Variants in KIAA1328 observed in about 807,000 individuals in gnomAD.
The protein encoded by KIAA1328 is protein hinderin.
In KIAA1328, 52 loss-of-function variants were observed where a neutral mutation model predicts 68.1. The observed-to-expected ratio is 0.76, with a 90% CI of 0.61 to 0.96. The LOEUF is 0.96. Ranked by LOEUF, KIAA1328 falls within the 40% of genes least tolerant of loss-of-function variation. KIAA1328 has a pLI of 0.00. For missense variants in KIAA1328, 641 were observed against 677.6 expected (o/e 0.95, Z 0.60); for synonymous variants, 232 against 239.4 (o/e 0.97, Z 0.28).
chr18:36,984,034 T>C (rs1462284924), intron 6 of KIAA1328, among the ~76,000 whole-genome samples: 2 of 152,184 alleles, frequency 1.3e-5, no homozygotes, highest in African/African-American at 2.4e-5. Flanking sequence ...TCCAAATTTT[T>C]TTAGATGAAG....
intron 3 of KIAA1328, among the ~76,000 whole-genome samples, chr18:36,839,501 A>G (rs901278932): frequency 2.6e-5 from 4 of 152,268 alleles, no homozygotes; most frequent in African/African-American, 9.6e-5. Context: ...TAACTGTTTC[A>G]ATATTCTTGA....
Position 36,829,216 on chromosome 18 carries a change from C to G in KIAA1328, c.58+20C>G, listed in dbSNP as rs889296582. On this transcript the variant is annotated intron_variant, in intron 1 of 9. Transcript: ENST00000280020. ...GGGACTGTATCCTTTGCCCGCCTGA[C>G]AGGGGGCGCCGGCGCCCTCCACGGG... 3 of 1,504,858 alleles carry G rather than the reference C, an allele frequency of 2.0e-6. No individual in the cohort carries two copies. 93.2% of individuals were successfully genotyped at this position (1,504,858 alleles called of 1,614,324 possible). A position where few individuals can be genotyped will look rare whatever the true frequency, so the allele number is the denominator to read the frequency against.
At chr18:36,925,372 A>G (rs905163952) in intron 5 of KIAA1328, among the ~76,000 whole-genome samples, 2 of 152,178 alleles carry the variant, frequency 1.3e-5, no homozygotes, top group African/African-American at 4.8e-5. Flanking sequence ...AAGAAATAGA[A>G]TATTGGTGTT....
intron 4 of KIAA1328, among the ~76,000 whole-genome samples, chr18:36,850,503 A>T (rs72885256): frequency 0.14 from 20,623 of 152,036 alleles, 1,742 homozygotes; most frequent in Non-Finnish European, 0.18. Context: ...CTATATATAT[A>T]TTTTTTCCTA....
intron 7 of KIAA1328, among the ~76,000 whole-genome samples, chr18:37,121,832 G>A (rs1301033248): frequency 6.7e-6 from 1 of 149,450 alleles, no homozygotes; most frequent in African/African-American, 2.6e-5. Context: ...TGTTATTTAG[G>A]TGAATGCATG....
chr18:36,846,653 A>G (rs2047039553), intron 4 of KIAA1328, among the ~76,000 whole-genome samples: 1 of 151,578 alleles, frequency 6.6e-6, no homozygotes, highest in African/African-American at 2.4e-5. Context: ...GCAACCATTA[A>G]TATAGTTTCC....
At chr18:36,914,099 A>G (rs1220925877) in intron 5 of KIAA1328, among the ~76,000 whole-genome samples, 1 of 152,204 alleles carries the variant, frequency 6.6e-6, no homozygotes, top group Non-Finnish European at 1.5e-5. Context: ...AGGAAGGCTC[A>G]TAATAACAAA....
At chr18:37,215,365 T>A (rs1003940186) in intron 9 of KIAA1328, among the ~76,000 whole-genome samples, 1 of 152,194 alleles carries the variant, frequency 6.6e-6, no homozygotes, top group South Asian at 2.1e-4. Context: ...ATGAAGGCTG[T>A]TGAATTTTGT....
intron 7 of KIAA1328, among the ~76,000 whole-genome samples, chr18:37,095,612 C>G (rs1006815227): frequency 9.9e-5 from 15 of 152,090 alleles, no homozygotes; most frequent in Admixed American, 8.5e-4. Flanking sequence ...AAGAACTAAC[C>G]AAACTCAAAA....
intron 5 of KIAA1328, among the ~76,000 whole-genome samples, chr18:36,931,264 AC>A (rs1435675515): frequency 2.0e-5 from 3 of 152,186 alleles, no homozygotes; most frequent in Non-Finnish European, 4.4e-5. Context: ...CCTGTTAGGA[AC>A]CTGGCTGCAC....
chr18:36,860,879 C>A (rs1428275129), intron 4 of KIAA1328, among the ~76,000 whole-genome samples: 2 of 152,030 alleles, frequency 1.3e-5, no homozygotes, highest in Non-Finnish European at 2.9e-5. Context: ...AATGGGTGAA[C>A]TTTATGATAT....
intron 4 of KIAA1328, among the ~76,000 whole-genome samples, chr18:36,865,794 C>G (rs1440493516): frequency 1.3e-5 from 2 of 152,130 alleles, no homozygotes; most frequent in Non-Finnish European, 2.9e-5. Flanking sequence ...TCTGACTCTT[C>G]ATGTTGGACC....
Position 37,094,235 on chromosome 18 carries a change from G to A in KIAA1328, c.1232+26690G>A, listed in dbSNP as rs117572150. Among the ~76,000 whole-genome samples, 1,108 of 152,258 alleles carry A rather than the reference G, an allele frequency of 7.3e-3. 7 individuals are homozygous for A. The highest frequency in any genetic ancestry group is 0.017 in the Middle Eastern group (5 of 294). ...AGTAATGCTCGCTTGCCTACCACTC[G>A]CCTCCTGCTGTGTGGCCCAGTGGCT... is the stretch of plus-strand genomic sequence containing the variant. On this transcript the variant is annotated intron_variant, in intron 7 of 9. Coordinates refer to ENST00000280020, the MANE Select transcript of KIAA1328 (RefSeq NM_020776.3).
At chr18:37,157,028 T>G (rs189199642) in intron 7 of KIAA1328, among the ~76,000 whole-genome samples, 3 of 152,138 alleles carry the variant, frequency 2.0e-5, no homozygotes, top group Non-Finnish European at 4.4e-5. Context: ...GGATAATGTG[T>G]TATGAAGACC....
In KIAA1328 at chr18:37,063,133, T is replaced by A. The variant is rs116452167; in HGVS notation, c.577-3757T>A. On this transcript the variant is annotated intron_variant, in intron 6 of 9. Coordinates refer to ENST00000280020, the MANE Select transcript of KIAA1328 (RefSeq NM_020776.3). ...ACATGGCTGCATTATTATCTGGAGCTCAAGGTCCTCTTCCAAATTCACATG... is the reference window on the plus strand; with the variant it reads ...ACATGGCTGCATTATTATCTGGAGCACAAGGTCCTCTTCCAAATTCACATG... Among the ~76,000 whole-genome samples, 1,035 of 152,084 alleles carry A rather than the reference T, an allele frequency of 6.8e-3. 15 individuals carry two copies. The highest frequency in any genetic ancestry group is 0.023 in the African/African-American group (960 of 41,496).
Position 37,160,261 on chromosome 18 carries a change from C to T in KIAA1328, c.1294C>T (p.Gln432Ter), listed in dbSNP as rs778902139. 1.9e-6 allele frequency: 3 copies of T among 1,613,450 alleles called. No homozygotes were observed. The Admixed American group carries it at 5.0e-5, about 27-fold the overall frequency. The stretch of plus-strand genomic sequence containing the variant: ...AACATCATCATCTATTAAAAAGCAC[C>T]AAGACCCCCCAAACAGTGGAGAGAA... ...LGTSSSIKKH[Q>*]DPPNSGENRK... Residue 432 changes from glutamine (Q) to a stop codon, truncating the protein, a stop_gained, in exon 8 of 10, where the codon CAA becomes TAA. Coordinates refer to ENST00000280020, the MANE Select transcript of KIAA1328 (RefSeq NM_020776.3). LOFTEE classifies it high-confidence loss of function.
intron 7 of KIAA1328, among the ~76,000 whole-genome samples, chr18:37,134,623 A>G (rs2058601467): frequency 6.6e-6 from 1 of 152,226 alleles, no homozygotes; most frequent in South Asian, 2.1e-4. Flanking sequence ...AAATCTCACT[A>G]TATTCTCATG....
intron 6 of KIAA1328, among the ~76,000 whole-genome samples, chr18:37,054,132 A>G (rs2055815305): frequency 6.6e-6 from 1 of 152,198 alleles, no homozygotes; most frequent in Non-Finnish European, 1.5e-5. Context: ...CAAAATGGCT[A>G]TTATTAAAAT....
chr18:36,950,138 A>G (rs1277968049), intron 5 of KIAA1328, among the ~76,000 whole-genome samples: 1 of 152,232 alleles, frequency 6.6e-6, no homozygotes, highest in African/African-American at 2.4e-5. Context: ...CAATTTTTAT[A>G]TCAGAAAATG....
Sources: gnomAD v4.1 joint callset for allele counts (sites outside exome capture counted in the v4.1 genomes callset) on GRCh38, gnomAD v4.1.1 for gene constraint, MANE v1.5 for transcripts, NCBI Gene and HGNC (gene_info 2026-07-23, HGNC 2026-07-21) for gene names.